The following KDM7A variants were observed in gnomAD, a reference collection of about 807,000 sequenced individuals.
The protein encoded by KDM7A is lysine-specific demethylase 7A.
A neutral mutation model predicts 114.8 loss-of-function variants in KDM7A; 28 were observed. The observed-to-expected ratio is 0.24, with a 90% CI of 0.18 to 0.33. The LOEUF is 0.33. KDM7A is among the 10% of genes least tolerant of loss of function. The pLI is 1.00. For synonymous variants in KDM7A, 423 were observed against 397.8 expected (o/e 1.06, Z -0.75); for missense variants, 942 against 1,142.5 (o/e 0.82, Z 2.53).
Position 140,089,176 on chromosome 7 carries a change from C to T in KDM7A, c.*1918G>A, listed in dbSNP as rs2116728564. On this transcript the variant is annotated 3_prime_UTR_variant, in exon 20 of 20. Transcript: ENST00000397560. ...TAAGATGACTCTACCCATCTTTCCACTGGTTTTGGCATAGTGTAGACAGGG... is the reference window on the plus strand; with the variant it reads ...TAAGATGACTCTACCCATCTTTCCATTGGTTTTGGCATAGTGTAGACAGGG... The T allele has an allele frequency of 6.6e-6, 1 of 152,260 alleles. No homozygotes were observed. The highest frequency in any genetic ancestry group is 2.4e-5 in the African/African-American group (1 of 41,566). The allele number at this position is 152,260 out of a possible 1,614,324, so 9.4% of individuals were successfully genotyped here. A position where few individuals can be genotyped will look rare whatever the true frequency, so the allele number is the denominator to read the frequency against.
intron 7 of KDM7A, among the ~76,000 whole-genome samples, chr7:140,122,281 T>C (rs761396010): frequency 3.3e-5 from 5 of 152,190 alleles, no homozygotes; most frequent in Admixed American, 6.5e-5. Flanking sequence ...AAATTACCTT[T>C]TTATTTCTTC....
In KDM7A at chr7:140,085,856, T is replaced by C. The variant is rs867403787; in HGVS notation, c.*5238A>G. ...GAATCTTAAAAGGAAGAAATAGTTC[T>C]AGGTAAGGAATTAACTCCTCATTAT... On this transcript the variant is annotated 3_prime_UTR_variant, in exon 20 of 20. Transcript: ENST00000397560. 49 of 152,366 alleles carry C rather than the reference T, an allele frequency of 3.2e-4. No individual in the cohort carries two copies. The highest frequency in any genetic ancestry group is 1.1e-3 in the African/African-American group (46 of 41,580). 9.4% of individuals were successfully genotyped at this position (152,366 alleles called of 1,614,324 possible). A position where few individuals can be genotyped will look rare whatever the true frequency, so the allele number is the denominator to read the frequency against.
intron 1 of KDM7A, among the ~76,000 whole-genome samples, chr7:140,175,505 G>C (rs750126900): frequency 6.6e-6 from 1 of 152,130 alleles, no homozygotes; most frequent in South Asian, 2.1e-4. Context: ...CCGGGAAACC[G>C]GCTTCAACTA....
chr7:140,094,158 T>C lies in KDM7A; in HGVS notation c.2375-20A>G. 7.1e-7 allele frequency: 1 copy of C among 1,406,106 alleles called. No individual in the cohort carries two copies. Among genetic ancestry groups the C allele is most frequent in the East Asian group, 2.3e-5 (1 of 43,888 alleles). 87.1% of individuals were successfully genotyped at this position (1,406,106 alleles called of 1,614,324 possible). ...GGTATCCTAAAGAGAAGTTTTAGTT[T>C]AATTAACTTTGCACAAACTTGATTT... On this transcript the variant is annotated intron_variant, in intron 17 of 19. Transcript: ENST00000397560.
intron 11 of KDM7A, among the ~76,000 whole-genome samples, chr7:140,109,797 A>C (rs567562219): frequency 2.2e-4 from 34 of 152,340 alleles, no homozygotes; most frequent in Admixed American, 4.6e-4. Context: ...ACTTGGTAAA[A>C]ATTATTGATA....
intron 1 of KDM7A, among the ~76,000 whole-genome samples, chr7:140,160,883 A>G (rs1450571180): frequency 1.3e-5 from 2 of 152,188 alleles, no homozygotes; most frequent in Non-Finnish European, 2.9e-5. Context: ...AAGAGGAAAG[A>G]TGTCCCTGAA....
rs746909253 is a variant in KDM7A, at chr7:140,085,933, T to C, written c.*5161A>G. The C allele has an allele frequency of 2.0e-5, 3 of 152,194 alleles. No individual in the cohort carries two copies. Among genetic ancestry groups the C allele is most frequent in the Non-Finnish European group, 4.4e-5 (3 of 68,030 alleles). The allele number at this position is 152,194 out of a possible 1,614,324, so 9.4% of individuals were successfully genotyped here. On this transcript the variant is annotated 3_prime_UTR_variant, in exon 20 of 20. Transcript: ENST00000397560. ...TACCAACCAAAATACACCAAAGAAA[T>C]ATGAGAGTATGTCTGGGTTATTTTA...
In KDM7A at chr7:140,176,896, A is replaced by G; in HGVS notation, c.42T>C (p.Ala14=). The change falls in exon 1 of 20, where the codon GCT becomes GCC. Residue 14 remains alanine (A), a synonymous_variant. Transcript: ENST00000397560. This position sits in a 1 kb window ranked among gnomAD's most constrained non-coding sequence, Gnocchi z 4.4. ...AAAAVAAGAA[A]GAAAAAVSVA... is the part of the protein sequence containing the mutation. ...CCGACACGGCTGCCGCGGCGGCTCC[A>G]GCTGCTGCTCCCGCGGCCACCGCCG... 18 of 1,187,502 alleles carry G rather than the reference A, an allele frequency of 1.5e-5. No homozygotes were observed. Among genetic ancestry groups the G allele is most frequent in the Non-Finnish European group, 1.9e-5 (18 of 951,324 alleles). The allele number at this position is 1,187,502 out of a possible 1,614,324, so 73.6% of individuals were successfully genotyped here. A position where few individuals can be genotyped will look rare whatever the true frequency, so the allele number is the denominator to read the frequency against.
chr7:140,153,251 G>A (rs1263951213), intron 1 of KDM7A, among the ~76,000 whole-genome samples: 1 of 151,674 alleles, frequency 6.6e-6, no homozygotes, highest in East Asian at 2.0e-4. Context: ...CATGCGTGAG[G>A]CCGAGGCGGG....
At chr7:140,170,386 T>TA (rs1365944877) in intron 1 of KDM7A, among the ~76,000 whole-genome samples, 12 of 152,326 alleles carry the variant, frequency 7.9e-5, no homozygotes, top group African/African-American at 2.9e-4. Context: ...ACCCCTGAGA[T>TA]AGAGACAGAC....
chr7:140,143,105 G>A (rs372781318), intron 1 of KDM7A, among the ~76,000 whole-genome samples: 15 of 150,914 alleles, frequency 9.9e-5, no homozygotes, highest in South Asian at 4.2e-4. Context: ...GCATGAACTC[G>A]GGAGGCGGAG....
rs909594107 is a variant in KDM7A at position 140,176,403 on chromosome 7, C to A, written c.194+341G>T. Among the ~76,000 whole-genome samples, 3 of 138,258 alleles carry A rather than the reference C, an allele frequency of 2.2e-5. No individual in the cohort carries two copies. Among genetic ancestry groups the A allele is most frequent in the Non-Finnish European group, 3.2e-5 (2 of 63,402 alleles). 90.7% of individuals were successfully genotyped at this position (138,258 alleles called of 152,430 possible). ...CCGGGCTGGCGAGGGGCTGCGGACC[C>A]GGCCGGCGCTCCGCCCGACGCCCCC... is the stretch of plus-strand genomic sequence containing the variant. On this transcript the variant is annotated intron_variant, in intron 1 of 19. Transcript: ENST00000397560. This position sits in a 1 kb window ranked among gnomAD's most constrained non-coding sequence, Gnocchi z 4.4.
chr7:140,131,862 T>C (rs1818792463), intron 3 of KDM7A, among the ~76,000 whole-genome samples: 2 of 152,196 alleles, frequency 1.3e-5, no homozygotes, highest in Admixed American at 1.3e-4. Context: ...TGGGGACGGT[T>C]AAGCAAATTA....
At chr7:140,100,691 TATATATATATATATATAC>T (rs1562945973) in intron 12 of KDM7A, among the ~76,000 whole-genome samples, 19 of 31,464 alleles carry the variant, frequency 6.0e-4, no homozygotes, top group Admixed American at 1.6e-3. Flanking sequence ...CATATATACA[TATATATATATATATATAC>T]ACATATATAT....
At chr7:140,144,183 G>A (rs1160303329) in intron 1 of KDM7A, among the ~76,000 whole-genome samples, 1 of 152,186 alleles carries the variant, frequency 6.6e-6, no homozygotes, top group African/African-American at 2.4e-5. Flanking sequence ...GAATAGAACT[G>A]AGAGTCCAGA....
intron 1 of KDM7A, among the ~76,000 whole-genome samples, chr7:140,163,947 T>C (rs1794547341): frequency 6.6e-6 from 1 of 152,194 alleles, no homozygotes; most frequent in Non-Finnish European, 1.5e-5. Context: ...ATTTTATAAT[T>C]ATAATGATAA....
rs528067554 is a variant in KDM7A at position 140,126,788 on chromosome 7, T to C, written c.737A>G (p.Lys246Arg). ...SELVEVPDIAKKLSWVENYWP... is the reference protein window; with the variant it reads ...SELVEVPDIARKLSWVENYWP... ...ATAATTTTCCACCCAGGAAAGTTTT[T>C]TGGCTATATCAGGGACCTCCACCAA... Residue 246 changes from lysine (K) to arginine (R), a missense_variant, in exon 6 of 20, where the codon AAA (lysine) becomes AGA (arginine). By Grantham distance (26) the Lys-to-Arg change is conservative. Coordinates refer to ENST00000397560, the MANE Select transcript of KDM7A (RefSeq NM_030647.2). 4 of 1,614,090 alleles carry C rather than the reference T, an allele frequency of 2.5e-6. No homozygotes were observed. Among genetic ancestry groups the C allele is most frequent in the South Asian group, 2.2e-5 (2 of 91,070 alleles).
intron 1 of KDM7A, among the ~76,000 whole-genome samples, chr7:140,160,623 C>T (rs546258419): frequency 1.1e-4 from 16 of 152,302 alleles, no homozygotes; most frequent in African/African-American, 3.9e-4. Flanking sequence ...GGTGGTAACA[C>T]TCCTGAAGAG....
chr7:140,157,879 G>C (rs764492970), intron 1 of KDM7A, among the ~76,000 whole-genome samples: 4 of 151,438 alleles, frequency 2.6e-5, no homozygotes, highest in Admixed American at 6.6e-5. Flanking sequence ...CAAGACAGAA[G>C]AATTGCTTGA....
Sources: allele counts gnomAD v4.1 joint callset (sites outside exome capture counted in the v4.1 genomes callset), GRCh38; gene constraint gnomAD v4.1.1; non-coding constraint Gnocchi (gnomAD v3.1); transcripts MANE v1.5; gene names NCBI Gene and HGNC (gene_info 2026-07-23, HGNC 2026-07-21).